Variants in SLC5A10 observed in about 807,000 individuals in gnomAD.
SLC5A10 encodes solute carrier family 5 member 10, also known as sodium/mannose cotransporter SLC5A10.
In SLC5A10, 55 loss-of-function variants were observed where a neutral mutation model predicts 68.9. The observed-to-expected ratio is 0.80, with a 90% CI of 0.64 to 1.00. The LOEUF (loss-of-function observed/expected upper bound fraction) is 1.00, where lower values mean the gene tolerates loss of function less well. SLC5A10 is among the 50% of genes least tolerant of loss of function. The pLI is 0.00. For synonymous variants in SLC5A10, 344 were observed against 344.8 expected (o/e 1.00, Z 0.02); for missense variants, 732 against 819.3 (o/e 0.89, Z 1.30).
At chr17:19,016,443 T>C in intron 11 of SLC5A10, among the ~76,000 whole-genome samples, 1 of 152,162 alleles carries the variant, frequency 6.6e-6, no homozygotes, top group East Asian at 1.9e-4. Context: ...TGTTGTCCTC[T>C]GAGCAGTGTG....
Position 18,958,733 on chromosome 17 carries a change from C to A in SLC5A10, c.163C>A (p.Arg55=). Residue 55 remains arginine (R), a synonymous_variant, in exon 2 of 15, where the codon CGG becomes AGG. Transcript: ENST00000395645. ...GGTGAATGGCTACTTCCTGGCAGGC[C>A]GGGACATGACGTGGTGGCCGGTGAG... The part of the protein sequence containing the change: ...NTVNGYFLAG[R]DMTWWPIGAS... The A allele has an allele frequency of 6.2e-7, 1 of 1,614,180 alleles. No individual in the cohort carries two copies. The highest frequency in any genetic ancestry group is 1.3e-5 in the African/African-American group (1 of 75,052).
intron 9 of SLC5A10, among the ~76,000 whole-genome samples, chr17:18,981,864 A>T (rs1394782449): frequency 6.6e-6 from 1 of 152,132 alleles, no homozygotes; most frequent in Non-Finnish European, 1.5e-5. Context: ...TTTGTACCCA[A>T]CATGGAGCAC....
intron 9 of SLC5A10, among the ~76,000 whole-genome samples, chr17:19,008,379 A>G (rs970596362): frequency 6.6e-6 from 1 of 152,150 alleles, no homozygotes. Flanking sequence ...TTACATTTAA[A>G]TCTGTGATCT....
Position 19,013,660 on chromosome 17 carries a change from CATT to C in SLC5A10, c.1090+144_1090+146del. 1.1e-4 allele frequency: 8 copies of C among 69,822 alleles called. 4 individuals are homozygous for C. Among genetic ancestry groups the C allele is most frequent in the Non-Finnish European group, 1.8e-4 (6 of 32,510 alleles). 4.3% of individuals were successfully genotyped at this position (69,822 alleles called of 1,614,324 possible). On this transcript the variant is annotated intron_variant, in intron 10 of 14. Transcript: ENST00000395645. ...TCCCTGCTTGGAGCCTGGGTGTCCT[CATT>C]TGTAAATTGGAGATAATGGCATCTA...
chr17:18,986,687 C>A (rs1168790767), intron 9 of SLC5A10, among the ~76,000 whole-genome samples: 2 of 152,216 alleles, frequency 1.3e-5, no homozygotes, highest in African/African-American at 4.8e-5. Context: ...GAGTGGCTGG[C>A]CCCAGGTTAG....
In SLC5A10 at chr17:19,004,247, G is replaced by T; in HGVS notation, c.983-9163G>T. The T allele has an allele frequency of 4.1e-6, 2 of 487,120 alleles. No homozygotes were observed. The highest frequency in any genetic ancestry group is 2.4e-5 in the South Asian group (1 of 42,534). 30.2% of individuals were successfully genotyped at this position (487,120 alleles called of 1,614,324 possible). ...GGAGGGGCGGCGGGGGCGGGGCCGGGAACTCAGGTGGGCGTGGGAAGGACG... is the reference window on the plus strand; with the variant it reads ...GGAGGGGCGGCGGGGGCGGGGCCGGTAACTCAGGTGGGCGTGGGAAGGACG... On this transcript the variant is annotated intron_variant, in intron 9 of 14. Transcript: ENST00000395645. This position sits in a 1 kb window ranked among gnomAD's most constrained non-coding sequence, Gnocchi z 5.4.
intron 9 of SLC5A10, among the ~76,000 whole-genome samples, chr17:18,993,613 C>T (rs2043487379): frequency 6.6e-6 from 1 of 152,208 alleles, no homozygotes. Context: ...ACCTGGAGCC[C>T]TGAAGCAGCC....
chr17:19,022,153 A>G lies in SLC5A10; in HGVS notation c.*1722A>G. The G allele has an allele frequency of 3.5e-6, 5 of 1,446,336 alleles. No individual in the cohort carries two copies. Among genetic ancestry groups the G allele is most frequent in the South Asian group, 1.4e-5 (1 of 70,542 alleles). The allele number at this position is 1,446,336 out of a possible 1,614,324, so 89.6% of individuals were successfully genotyped here. A position where few individuals can be genotyped will look rare whatever the true frequency, so the allele number is the denominator to read the frequency against. ...AAGCAGGCCCCAGGTGACTGCAAGA[A>G]GAGGAGGTGGTTAGTAGGGTGCCTT... On this transcript the variant is annotated 3_prime_UTR_variant, in exon 15 of 15. Transcript: ENST00000395645.
At chr17:18,961,668 A>G (rs2042615846) in intron 5 of SLC5A10, among the ~76,000 whole-genome samples, 1 of 152,160 alleles carries the variant, frequency 6.6e-6, no homozygotes, top group African/African-American at 2.4e-5. Context: ...CCGGAGAGGT[A>G]GAGGCCTCGC....
At position 18,972,329 on chromosome 17, in the gene SLC5A10, C is replaced by A. The variant is rs138258129; in HGVS notation, c.846+1111C>A. Among the ~76,000 whole-genome samples, 565 of 152,322 alleles carry A rather than the reference C, an allele frequency of 3.7e-3. 2 individuals carry two copies. The highest frequency in any genetic ancestry group is 0.013 in the African/African-American group (551 of 41,568). ...GGTCCACCATAGGACAAGGCAGCCA[C>A]AGCCAGCCTCTGTGGAATGAACGAT... On this transcript the variant is annotated intron_variant, in intron 8 of 14. Coordinates refer to ENST00000395645, the MANE Select transcript of SLC5A10 (RefSeq NM_001042450.4).
At chr17:18,956,108 C>T (rs1439635069) in intron 1 of SLC5A10, among the ~76,000 whole-genome samples, 1 of 151,982 alleles carries the variant, frequency 6.6e-6, no homozygotes, top group Non-Finnish European at 1.5e-5. Flanking sequence ...GCAGGAGAAT[C>T]GCTTGAACCC....
chr17:18,994,009 G>A (rs2152135106), intron 9 of SLC5A10, among the ~76,000 whole-genome samples: 2 of 152,252 alleles, frequency 1.3e-5, no homozygotes, highest in South Asian at 4.2e-4. Context: ...AGCTCCCTCT[G>A]GGGTGAACAG....
At chr17:18,978,842 C>A in intron 9 of SLC5A10, 1 of 1,611,662 alleles carries the variant, frequency 6.2e-7, no homozygotes, top group South Asian at 1.1e-5. Context: ...CGCGGCCGAC[C>A]ACGTGAAGCT....
intron 9 of SLC5A10, among the ~76,000 whole-genome samples, chr17:18,982,323 C>T (rs569455432): frequency 1.2e-4 from 19 of 152,310 alleles, no homozygotes; most frequent in African/African-American, 4.6e-4. Context: ...TGCTCCCCAG[C>T]TTGTGCCTGG....
At chr17:18,999,549 T>C (rs2043672147) in intron 9 of SLC5A10, among the ~76,000 whole-genome samples, 2 of 152,156 alleles carry the variant, frequency 1.3e-5, no homozygotes, top group African/African-American at 4.8e-5. Flanking sequence ...CAACACCTAC[T>C]TTCCAGAGTT....
In SLC5A10 at chr17:19,011,863, T is replaced by G. The variant is rs575155446; in HGVS notation, c.983-1547T>G. Reference sequence around the variant, plus strand: ...GCCAGCTGGCCTGGGGGAAGGGGTGTGAGACCCGCCCTTCCCCATGGGCTG... The same window carrying G: ...GCCAGCTGGCCTGGGGGAAGGGGTGGGAGACCCGCCCTTCCCCATGGGCTG... On this transcript the variant is annotated intron_variant, in intron 9 of 14. Coordinates refer to ENST00000395645, the MANE Select transcript of SLC5A10 (RefSeq NM_001042450.4). Among the ~76,000 whole-genome samples, 3 of 150,694 alleles carry G rather than the reference T, an allele frequency of 2.0e-5. No homozygotes were observed. In the East Asian group the frequency reaches 5.9e-4, roughly 30 times the overall value.
intron 9 of SLC5A10, among the ~76,000 whole-genome samples, chr17:18,979,832 G>A (rs528751987): frequency 6.6e-6 from 1 of 152,266 alleles, no homozygotes; most frequent in East Asian, 1.9e-4. Context: ...GGTGTGTCTG[G>A]GACTGCAGGG....
At chr17:18,994,384 T>C (rs537368994) in intron 9 of SLC5A10, among the ~76,000 whole-genome samples, 51 of 152,084 alleles carry the variant, frequency 3.4e-4, no homozygotes, top group Middle Eastern at 3.4e-3. Context: ...GGAGACAGGG[T>C]TCACTCTGAG....
intron 9 of SLC5A10, among the ~76,000 whole-genome samples, chr17:19,011,031 TC>T (rs2044001315): frequency 2.0e-5 from 3 of 152,208 alleles, no homozygotes; most frequent in Admixed American, 1.3e-4. Flanking sequence ...ATTCATTCAA[TC>T]AGTGTTCCCA....
Sources: gnomAD v4.1 joint callset for allele counts (sites outside exome capture counted in the v4.1 genomes callset) on GRCh38, gnomAD v4.1.1 for gene constraint, Gnocchi (gnomAD v3.1) non-coding constraint, MANE v1.5 for transcripts, NCBI Gene and HGNC (gene_info 2026-07-23, HGNC 2026-07-21) for gene names.